Variants in CRB1 observed in about 807,000 individuals in gnomAD.
CRB1 encodes protein crumbs homolog 1.
CRB1 carries 83 observed loss-of-function variants against 120.0 expected under a neutral mutation model. That is an observed-to-expected ratio of 0.69 (90% CI 0.58 to 0.83). The LOEUF (loss-of-function observed/expected upper bound fraction) is 0.83. Ranked by LOEUF, CRB1 falls within the 40% of genes least tolerant of loss-of-function variation. The pLI, the probability that CRB1 is intolerant of heterozygous loss-of-function variation, is 0.00. For synonymous variants in CRB1, 625 were observed against 612.5 expected (o/e 1.02, Z -0.30); for missense variants, 1,699 against 1,687.6 (o/e 1.01, Z -0.12).
At chr1:197,372,578 G>C (rs1661425140) in intron 5 of CRB1, among the ~76,000 whole-genome samples, 1 of 152,142 alleles carries the variant, frequency 6.6e-6, no homozygotes, top group African/African-American at 2.4e-5. Context: ...CTGAGTATTA[G>C]GAAAAGCGTA....
intron 5 of CRB1, among the ~76,000 whole-genome samples, chr1:197,395,945 G>C (rs1399132976): frequency 6.6e-6 from 1 of 152,134 alleles, no homozygotes; most frequent in East Asian, 1.9e-4. Context: ...ACACAAAGGT[G>C]TTCATTCTTA....
intron 1 of CRB1, among the ~76,000 whole-genome samples, chr1:197,310,640 TATATAG>T (rs1657459671): frequency 6.6e-6 from 1 of 152,110 alleles, no homozygotes. Flanking sequence ...TATCTATATC[TATATAG>T]ATATAGATAT....
At position 197,421,853 on chromosome 1, in the gene CRB1, G is replaced by T; in HGVS notation, c.2025G>T (p.Trp675Cys). The change falls in exon 6 of 12, where the codon TGG becomes TGT. Residue 675 changes from tryptophan to cysteine, a missense_variant. Transcript: ENST00000367400. ...NVKAGCVRKDWCESQPCQSRG... is the reference protein window; with the variant it reads ...NVKAGCVRKDCCESQPCQSRG... ...AGGCAGGCTGTGTGAGAAAGGATTG[G>T]TGTGAAAGCCAACCTTGTCAAAGCA... The T allele has an allele frequency of 2.5e-6, 4 of 1,614,206 alleles. No homozygotes were observed. The highest frequency in any genetic ancestry group is 3.4e-6 in the Non-Finnish European group (4 of 1,180,028).
At chr1:197,329,499 G>A (rs1389480347) in intron 2 of CRB1, among the ~76,000 whole-genome samples, 3 of 152,138 alleles carry the variant, frequency 2.0e-5, no homozygotes, top group East Asian at 1.9e-4. Context: ...AAGAAAAAAA[G>A]CCTGTTCTTG....
intron 5 of CRB1, among the ~76,000 whole-genome samples, chr1:197,363,228 G>T (rs1660872727): frequency 6.6e-6 from 1 of 151,150 alleles, no homozygotes; most frequent in African/African-American, 2.4e-5. Context: ...ATATAATTTA[G>T]AAAACTCATG....
rs151050196 is a variant in CRB1 at position 197,423,800 on chromosome 1, C to T, written c.2128+1844C>T. 2.9e-4 allele frequency among the ~76,000 whole-genome samples: 44 copies of T among 152,254 alleles called. 1 individual carries two copies. Among genetic ancestry groups the T allele is most frequent in the African/African-American group, 1.0e-3 (42 of 41,560 alleles). On this transcript the variant is annotated intron_variant, in intron 6 of 11. Transcript: ENST00000367400. ...GAGACTGGATAGAGGATTTTGGTGG[C>T]TGACTAAACACAAAAGACATAGTGA...
chr1:197,313,469 C>T (rs922170209), intron 1 of CRB1, among the ~76,000 whole-genome samples: 5 of 152,202 alleles, frequency 3.3e-5, no homozygotes, highest in Non-Finnish European at 7.3e-5. Flanking sequence ...ACAATTCTTT[C>T]TCTTCTAGCT....
At chr1:197,230,768 A>G in the CRB1 span, among the ~76,000 whole-genome samples, 3 of 152,208 alleles carry the variant, frequency 2.0e-5, no homozygotes, top group Admixed American at 1.3e-4. Context: ...CTTGACCAAC[A>G]TAATTTACCC....
chr1:197,355,850 C>T (rs369185094), intron 4 of CRB1, among the ~76,000 whole-genome samples: 3 of 152,218 alleles, frequency 2.0e-5, no homozygotes, highest in Admixed American at 1.3e-4. Context: ...CACAATGCAA[C>T]GGTGGGCTGA....
Position 197,363,890 on chromosome 1 carries a change from C to G in CRB1, c.1171+6877C>G, listed in dbSNP as rs1009255570. The G allele has an allele frequency of 2.7e-6, 3 of 1,100,130 alleles. No individual in the cohort carries two copies. The African/African-American group carries it at 4.6e-5, about 17-fold the overall frequency. The allele number at this position is 1,100,130 out of a possible 1,614,324, so 68.1% of individuals were successfully genotyped here. A position where few individuals can be genotyped will look rare whatever the true frequency, so the allele number is the denominator to read the frequency against. On this transcript the variant is annotated intron_variant, in intron 5 of 11. Coordinates refer to ENST00000367400, the MANE Select transcript of CRB1 (RefSeq NM_201253.3). Reference sequence around the variant, plus strand: ...GGGAACGTGGAAGGTGCATAGAGGACCCTAAACAGAATCCTCACTACGGAT... The same window carrying G: ...GGGAACGTGGAAGGTGCATAGAGGAGCCTAAACAGAATCCTCACTACGGAT...
intron 7 of CRB1, 114 bp downstream of exon 7, chr1:197,428,115 C>A: frequency 2.2e-6 from 2 of 904,214 alleles, no homozygotes; most frequent in Non-Finnish European, 3.4e-6. Flanking sequence ...ACTGACCCAC[C>A]AGTATAGAAT....
intron 6 of CRB1, among the ~76,000 whole-genome samples, chr1:197,426,665 T>C (rs966197154): frequency 6.6e-6 from 1 of 151,888 alleles, no homozygotes; most frequent in African/African-American, 2.4e-5. Flanking sequence ...GCAGGGTGGG[T>C]TTAATACTCA....
At chr1:197,455,494 TTTTTAA>T (rs1309419891) in intron 11 of CRB1, among the ~76,000 whole-genome samples, 1 of 152,184 alleles carries the variant, frequency 6.6e-6, no homozygotes, top group East Asian at 1.9e-4. Flanking sequence ...TTTCTACTAA[TTTTTAA>T]TTTTAAGAAT....
intron 6 of CRB1, 105 bp downstream of exon 6, chr1:197,422,061 C>A (rs1664363724): frequency 9.7e-7 from 1 of 1,027,128 alleles, no homozygotes; most frequent in Non-Finnish European, 1.5e-6. Flanking sequence ...ACATAATGAC[C>A]CCACAAGACT....
chr1:197,367,994 C>A (rs778515777), intron 5 of CRB1, among the ~76,000 whole-genome samples: 2 of 152,150 alleles, frequency 1.3e-5, no homozygotes, highest in Non-Finnish European at 2.9e-5. Flanking sequence ...AAAAATGAAG[C>A]GTTCACTTTT....
upstream of CRB1, among the ~76,000 whole-genome samples, chr1:197,267,911 G>T (rs887633594): frequency 4.9e-4 from 75 of 152,234 alleles, no homozygotes; most frequent in African/African-American, 1.7e-3. Context: ...TGAGTTGTGG[G>T]AATATAATTT....
chr1:197,325,371 T>C (rs973748520), intron 1 of CRB1, among the ~76,000 whole-genome samples: 3 of 152,220 alleles, frequency 2.0e-5, no homozygotes, highest in African/African-American at 4.8e-5. Context: ...CTGATTACAT[T>C]TCATTAGCAA....
chr1:197,393,767 A>G (rs1317535261), intron 5 of CRB1, among the ~76,000 whole-genome samples: 2 of 150,932 alleles, frequency 1.3e-5, no homozygotes, highest in Admixed American at 6.6e-5. Flanking sequence ...TAGAGTTTTT[A>G]TAAAGATTAA....
At chr1:197,353,982 A>G (rs1266957583) in intron 4 of CRB1, among the ~76,000 whole-genome samples, 1 of 151,204 alleles carries the variant, frequency 6.6e-6, no homozygotes, top group Non-Finnish European at 1.5e-5. Flanking sequence ...AATATGGAAA[A>G]CAACCTAATG....
Sources: allele counts gnomAD v4.1 joint callset (sites outside exome capture counted in the v4.1 genomes callset), GRCh38; gene constraint gnomAD v4.1.1; transcripts MANE v1.5; gene names NCBI Gene and HGNC (gene_info 2026-07-23, HGNC 2026-07-21).